Variants in MTUS2 observed in about 807,000 individuals in gnomAD.
MTUS2 encodes the protein microtubule-associated tumor suppressor candidate 2.
MTUS2 carries 40 observed loss-of-function variants against 114.1 expected under a neutral mutation model. The ratio of observed to expected loss-of-function variants is 0.35; its 90% CI spans 0.27 to 0.46. The LOEUF (loss-of-function observed/expected upper bound fraction) is 0.46. Ranked by LOEUF, MTUS2 falls within the 20% of genes least tolerant of loss-of-function variation. MTUS2 has a pLI of 1.00. For missense variants in MTUS2, 1,679 were observed against 1,705.4 expected (o/e 0.98, Z 0.27); for synonymous variants, 688 against 672.0 (o/e 1.02, Z -0.37).
chr13:28,996,994 C>G (rs555524791), intron 2 of MTUS2, among the ~76,000 whole-genome samples: 2 of 152,272 alleles, frequency 1.3e-5, no homozygotes, highest in South Asian at 4.2e-4. Context: ...TGTTAGGTGT[C>G]AATTTTAGAT....
intron 5 of MTUS2, among the ~76,000 whole-genome samples, chr13:29,150,079 A>G (rs746351488): frequency 9.9e-5 from 15 of 152,132 alleles, no homozygotes; most frequent in Non-Finnish European, 7.4e-5. Flanking sequence ...TAATGAAAAA[A>G]GCATTGAATC....
At chr13:28,998,768 T>A (rs1243788998) in intron 2 of MTUS2, among the ~76,000 whole-genome samples, 1 of 152,216 alleles carries the variant, frequency 6.6e-6, no homozygotes, top group Non-Finnish European at 1.5e-5. Flanking sequence ...TTCTCTGCAT[T>A]GGTTATTCTA....
intron 5 of MTUS2, among the ~76,000 whole-genome samples, chr13:29,123,994 A>G (rs868208022): frequency 1.3e-5 from 2 of 152,338 alleles, no homozygotes; most frequent in Middle Eastern, 3.4e-3. Flanking sequence ...ATATTTGACT[A>G]TGTCATCCTT....
intron 5 of MTUS2, among the ~76,000 whole-genome samples, chr13:29,249,694 T>C (rs1897056531): frequency 6.6e-6 from 1 of 152,198 alleles, no homozygotes; most frequent in South Asian, 2.1e-4. Context: ...CTTTGTAAAT[T>C]CAGAATATTA....
rs548585758 is a variant in MTUS2 at position 28,905,313 on chromosome 13, G to A, written c.-243+65463G>A. 2.2e-4 allele frequency among the ~76,000 whole-genome samples: 34 copies of A among 151,706 alleles called. 1 individual carries two copies. The highest frequency in any genetic ancestry group is 3.2e-4 in the Non-Finnish European group (22 of 67,946). On this transcript the variant is annotated intron_variant, in intron 2 of 15. Coordinates refer to ENST00000612955, the MANE Select transcript of MTUS2 (RefSeq NM_001033602.4). Reference sequence around the variant, plus strand: ...TATGTTGAATAGGAGTGGTGACAGAGGGCATCCCTGTCTTGTGCCTCTTTT... The same window carrying A: ...TATGTTGAATAGGAGTGGTGACAGAAGGCATCCCTGTCTTGTGCCTCTTTT...
At chr13:29,499,663 A>C (rs1231887812) in intron 14 of MTUS2, among the ~76,000 whole-genome samples, 1 of 152,232 alleles carries the variant, frequency 6.6e-6, no homozygotes, top group Non-Finnish European at 1.5e-5. Context: ...TAAGTGTTTT[A>C]TATCCTTAGC....
At chr13:28,995,114 C>T (rs945794509) in intron 2 of MTUS2, among the ~76,000 whole-genome samples, 8 of 152,206 alleles carry the variant, frequency 5.3e-5, no homozygotes, top group African/African-American at 9.6e-5. Context: ...CAGCTTTCTA[C>T]ATATGGCTAG....
chr13:29,351,229 A>T (rs1869238299), intron 7 of MTUS2, among the ~76,000 whole-genome samples: 1 of 152,100 alleles, frequency 6.6e-6, no homozygotes, highest in South Asian at 2.1e-4. Flanking sequence ...AATATCAAAG[A>T]AAATCAACTG....
chr13:29,031,803 C>T (rs1026034678), intron 3 of MTUS2, among the ~76,000 whole-genome samples: 1 of 152,000 alleles, frequency 6.6e-6, no homozygotes, highest in East Asian at 1.9e-4. Context: ...GACACCCTTC[C>T]CCCACCACTA....
intron 5 of MTUS2, among the ~76,000 whole-genome samples, chr13:29,257,723 G>A (rs1897326828): frequency 6.6e-6 from 1 of 152,176 alleles, no homozygotes; most frequent in African/African-American, 2.4e-5. Context: ...GACATGTCAG[G>A]GACTCTGCTG....
intron 7 of MTUS2, among the ~76,000 whole-genome samples, chr13:29,327,489 G>T (rs1235413143): frequency 1.3e-5 from 2 of 152,080 alleles, no homozygotes; most frequent in Non-Finnish European, 2.9e-5. Flanking sequence ...TATATAAATG[G>T]AATCATTTAA....
intron 5 of MTUS2, among the ~76,000 whole-genome samples, chr13:29,145,848 A>G (rs186294718): frequency 6.6e-6 from 1 of 152,212 alleles, no homozygotes. Context: ...AAGAATGATG[A>G]GTGTAAATAG....
rs7996574 is a variant in MTUS2 at position 29,152,133 on chromosome 13, T to A, written c.2644+51163T>A. 7.9e-3 allele frequency among the ~76,000 whole-genome samples: 1,210 copies of A among 152,236 alleles called. 11 individuals are homozygous for A. The highest frequency in any genetic ancestry group is 0.027 in the African/African-American group (1,131 of 41,528). On this transcript the variant is annotated intron_variant, in intron 5 of 15. Transcript: ENST00000612955. ...ATTGGTGTCAGCTCTTCTTTGTGTG[T>A]CTGGTAGAATTCACACTATACCCAA...
Position 29,378,869 on chromosome 13 carries a change from C to A in MTUS2, c.3117+19396C>A, listed in dbSNP as rs577725977. The stretch of plus-strand genomic sequence containing the variant: ...CTCTGTGTCCCCACCCAAATCTCAT[C>A]TTGAATTGTAATTGGAATTGTAATC... On this transcript the variant is annotated intron_variant, in intron 8 of 15. Transcript: ENST00000612955. Among the ~76,000 whole-genome samples, 277 of 152,192 alleles carry A rather than the reference C, an allele frequency of 1.8e-3. 2 individuals are homozygous for A. Among genetic ancestry groups the A allele is most frequent in the African/African-American group, 6.0e-3 (251 of 41,546 alleles).
chr13:29,123,657 A>C (rs1373413137), intron 5 of MTUS2, among the ~76,000 whole-genome samples: 20 of 152,102 alleles, frequency 1.3e-4, no homozygotes, highest in Admixed American at 1.3e-3. Flanking sequence ...TGGAGGAGCC[A>C]AGATCATGCC....
chr13:28,896,260 GACAA>G (rs757618110), intron 2 of MTUS2, among the ~76,000 whole-genome samples: 7 of 152,202 alleles, frequency 4.6e-5, no homozygotes, highest in East Asian at 1.9e-4. Flanking sequence ...ACCAATAACA[GACAA>G]ACAGAGAGCC....
chr13:28,946,315 A>ACG (rs1882532657), intron 2 of MTUS2, among the ~76,000 whole-genome samples: 1 of 150,788 alleles, frequency 6.6e-6, no homozygotes, highest in African/African-American at 2.5e-5. Flanking sequence ...GCGCGCGCAC[A>ACG]TACCTGCGTG....
chr13:29,376,035 A>ATGTGTGTGTGTG (rs1237166643), intron 8 of MTUS2, among the ~76,000 whole-genome samples: 1 of 110,072 alleles, frequency 9.1e-6, no homozygotes, highest in Admixed American at 8.4e-5. Context: ...GTGTATATAT[A>ATGTGTGTGTGTG]TATATGTGTG....
At chr13:28,827,978 A>G (rs557626733) in intron 1 of MTUS2, among the ~76,000 whole-genome samples, 49 of 152,330 alleles carry the variant, frequency 3.2e-4, no homozygotes, top group African/African-American at 1.1e-3. Context: ...GTTTGAGAGC[A>G]GACAACTAGT....
Sources: gnomAD v4.1 joint callset for allele counts (sites outside exome capture counted in the v4.1 genomes callset) on GRCh38, gnomAD v4.1.1 for gene constraint, MANE v1.5 for transcripts, NCBI Gene and HGNC (gene_info 2026-07-23, HGNC 2026-07-21) for gene names.